The following ZNF621 variants were observed in gnomAD, a reference collection of about 807,000 sequenced individuals.
The protein encoded by ZNF621 is zinc finger protein 621.
ZNF621 carries 6 observed loss-of-function variants against 12.7 expected under a neutral mutation model. The observed-to-expected ratio is 0.47, with a 90% CI of 0.26 to 0.93. ZNF621 has a LOEUF of 0.93. Ranked by LOEUF, ZNF621 falls within the 40% of genes least tolerant of loss-of-function variation. The probability of loss-of-function intolerance (pLI) is 0.15; values close to 1 mark genes in which losing one functional copy is unlikely to be tolerated. For missense variants in ZNF621, 474 were observed against 524.0 expected (o/e 0.90, Z 0.93); for synonymous variants, 156 against 190.3 (o/e 0.82, Z 1.48).
In ZNF621 at chr3:40,535,219, C is replaced by T. The variant is rs549796286; in HGVS notation, c.*2129C>T. On this transcript the variant is annotated 3_prime_UTR_variant, in exon 5 of 5. Transcript: ENST00000339296. ...CCTCGTTTCGCCCATCTACTTTTCA[C>T]CTTGCCGTATCTGATTCTTCACCAC... is the stretch of plus-strand genomic sequence containing the variant. 6.6e-6 allele frequency: 1 copy of T among 152,366 alleles called. No individual in the cohort carries two copies. The highest frequency in any genetic ancestry group is 2.4e-5 in the African/African-American group (1 of 41,578). The allele number at this position is 152,366 out of a possible 1,614,324, so 9.4% of individuals were successfully genotyped here. A position where few individuals can be genotyped will look rare whatever the true frequency, so the allele number is the denominator to read the frequency against.
intron 3 of ZNF621, 170 bp downstream of exon 3, chr3:40,529,615 GTTTGT>G: frequency 6.8e-7 from 1 of 1,472,900 alleles, no homozygotes; most frequent in Non-Finnish European, 9.1e-7. Flanking sequence ...TTGTTTGTTT[GTTTGT>G]TTTGTTTGTT....
At position 40,535,975 on chromosome 3, in the gene ZNF621, C is replaced by G. The variant is rs571299698; in HGVS notation, c.*2885C>G. 2.0e-5 allele frequency: 3 copies of G among 151,888 alleles called. No homozygotes were observed. Among genetic ancestry groups the G allele is most frequent in the African/African-American group, 4.8e-5 (2 of 41,340 alleles). The allele number at this position is 151,888 out of a possible 1,614,324, so 9.4% of individuals were successfully genotyped here. ...GAGTAGCTAACCTAGTTTTGAAGAACAAGATGGGGGGTTTTATGCTACCAG... is the reference window on the plus strand; with the variant it reads ...GAGTAGCTAACCTAGTTTTGAAGAAGAAGATGGGGGGTTTTATGCTACCAG... On this transcript the variant is annotated 3_prime_UTR_variant, in exon 5 of 5. Transcript: ENST00000339296.
Position 40,534,677 on chromosome 3 carries a change from G to C in ZNF621, c.*1587G>C, listed in dbSNP as rs1460657717. 1 of 152,124 alleles carries C rather than the reference G, an allele frequency of 6.6e-6. No homozygotes were observed. Among genetic ancestry groups the C allele is most frequent in the Admixed American group, 6.5e-5 (1 of 15,274 alleles). 9.4% of individuals were successfully genotyped at this position (152,124 alleles called of 1,614,324 possible). ...AGATCTTTAGCATGGACCATACTTT[G>C]AGAGATATGCTTCAAACAGAAAATG... On this transcript the variant is annotated 3_prime_UTR_variant, in exon 5 of 5. Coordinates refer to ENST00000339296, the MANE Select transcript of ZNF621 (RefSeq NM_198484.5).
rs1226992024 is a variant in ZNF621 at position 40,533,061 on chromosome 3, A to T, written c.1291A>T (p.Ile431Phe). Reference sequence around the variant, plus strand: ...TCCCACTGTGAAACCTTCCCCAGTTATTCTCACCCCTTCTTCTCACTCCTC... The same window carrying T: ...TCCCACTGTGAAACCTTCCCCAGTTTTTCTCACCCCTTCTTCTCACTCCTC... ...LTPTVKPSPV[I>F]LTPSSHSS Residue 431 changes from isoleucine to phenylalanine, a missense_variant, in exon 5 of 5, where the codon ATT (isoleucine) becomes TTT (phenylalanine). Physicochemically the swap from Ile to Phe is conservative, Grantham distance 21 (BLOSUM62 0). Coordinates refer to ENST00000339296, the MANE Select transcript of ZNF621 (RefSeq NM_198484.5). 6.4e-6 allele frequency: 10 copies of T among 1,551,552 alleles called. No homozygotes were observed. The highest frequency in any genetic ancestry group is 8.7e-6 in the Non-Finnish European group (10 of 1,146,930).
In ZNF621 at chr3:40,531,018, A is replaced by G. The variant is rs189320895; in HGVS notation, c.259+702A>G. ...CCATTTCTTCAGAAGAAAATTTTCA[A>G]GCCTTCTCACACATTTATGCTTTTG... On this transcript the variant is annotated intron_variant, in intron 4 of 4. Coordinates refer to ENST00000339296, the MANE Select transcript of ZNF621 (RefSeq NM_198484.5). Among the ~76,000 whole-genome samples the G allele has an allele frequency of 3.3e-5, 5 of 152,358 alleles. No homozygotes were observed. The East Asian group carries it at 9.6e-4, about 29-fold the overall frequency.
At chr3:40,531,966 G>A in intron 4 of ZNF621, 64 bp from the exon 5 acceptor site, 1 of 1,444,526 alleles carries the variant, frequency 6.9e-7, no homozygotes, top group Non-Finnish European at 9.3e-7. Flanking sequence ...AGAAAATTAG[G>A]AACACTGGAT....
In ZNF621 at chr3:40,539,666, GTAA is replaced by G. The variant is rs974646283; in HGVS notation, c.*6582_*6584del. On this transcript the variant is annotated 3_prime_UTR_variant, in exon 5 of 5. Coordinates refer to ENST00000339296, the MANE Select transcript of ZNF621 (RefSeq NM_198484.5). ...TTTAACATTGCTATGAAGTTTATCAGTAATAATATCTTATTTCATGGTTGTCCA... is the reference window on the plus strand; with the variant it reads ...TTTAACATTGCTATGAAGTTTATCAGTAATATCTTATTTCATGGTTGTCCA... The G allele has an allele frequency of 2.0e-5, 3 of 152,134 alleles. No individual in the cohort carries two copies. The highest frequency in any genetic ancestry group is 4.8e-5 in the African/African-American group (2 of 41,420). 9.4% of individuals were successfully genotyped at this position (152,134 alleles called of 1,614,324 possible).
Position 40,532,727 on chromosome 3 carries a change from T to C in ZNF621, c.957T>C (p.Tyr319=), listed in dbSNP as rs761914937. The C allele has an allele frequency of 3.1e-6, 5 of 1,614,224 alleles. No individual in the cohort carries two copies. ...HQRVHTGEKP[Y]ECKVCGKAFK... is the part of the protein sequence containing the mutation. ...GAGTTCACACTGGGGAGAAGCCTTA[T>C]GAATGTAAGGTGTGTGGGAAAGCCT... is the stretch of plus-strand genomic sequence containing the variant. Residue 319 remains tyrosine, a synonymous_variant, in exon 5 of 5, where the codon TAT becomes TAC. Coordinates refer to ENST00000339296, the MANE Select transcript of ZNF621 (RefSeq NM_198484.5).
chr3:40,531,004 G>T (rs1347709804), intron 4 of ZNF621, among the ~76,000 whole-genome samples: 1 of 152,130 alleles, frequency 6.6e-6, no homozygotes, highest in African/African-American at 2.4e-5. Flanking sequence ...CATTTCTTCA[G>T]AAGAAAATTT....
Position 40,537,664 on chromosome 3 carries a change from A to G in ZNF621, c.*4574A>G, listed in dbSNP as rs187578815. On this transcript the variant is annotated 3_prime_UTR_variant, in exon 5 of 5. Coordinates refer to ENST00000339296, the MANE Select transcript of ZNF621 (RefSeq NM_198484.5). ...AGGGGTCTGGATCAAACCAACCACAAATTCCCTTAAGCCAAAACCTAATCC... is the reference window on the plus strand; with the variant it reads ...AGGGGTCTGGATCAAACCAACCACAGATTCCCTTAAGCCAAAACCTAATCC... 1 of 152,852 alleles carries G rather than the reference A, an allele frequency of 6.5e-6. No homozygotes were observed. The highest frequency in any genetic ancestry group is 6.5e-5 in the Admixed American group (1 of 15,312). 9.5% of individuals were successfully genotyped at this position (152,852 alleles called of 1,614,324 possible).
rs1344007586 is a variant in ZNF621 at position 40,533,076 on chromosome 3, TCTCA to T, written c.1310_1313del (p.His437ProfsTer20). 1 of 1,551,454 alleles carries T rather than the reference TCTCA, an allele frequency of 6.4e-7. No individual in the cohort carries two copies. The highest frequency in any genetic ancestry group is 8.7e-7 in the Non-Finnish European group (1 of 1,146,876). On this transcript the variant is annotated frameshift_variant, in exon 5 of 5. Transcript: ENST00000339296. LOFTEE classifies it high-confidence loss of function. Reference sequence around the variant, plus strand: ...TTCCCCAGTTATTCTCACCCCTTCTTCTCACTCCTCATGAGCTTTATCTTGGCAG... The same window carrying T: ...TTCCCCAGTTATTCTCACCCCTTCTTCTCCTCATGAGCTTTATCTTGGCAG...
In ZNF621 at chr3:40,533,602, C is replaced by A. The variant is rs1318101033; in HGVS notation, c.*512C>A. ...AAATACTTAACCTTTGCATTGGTCC[C>A]TTTCAGGCTTGAACAACAGTGGCTG... is the stretch of plus-strand genomic sequence containing the variant. On this transcript the variant is annotated 3_prime_UTR_variant, in exon 5 of 5. Transcript: ENST00000339296. 1 of 156,556 alleles carries A rather than the reference C, an allele frequency of 6.4e-6. No homozygotes were observed. The highest frequency in any genetic ancestry group is 1.4e-5 in the Non-Finnish European group (1 of 70,474). The allele number at this position is 156,556 out of a possible 1,614,324, so 9.7% of individuals were successfully genotyped here.
rs981860742 is a variant in ZNF621 at position 40,539,269 on chromosome 3, C to A, written c.*6179C>A. On this transcript the variant is annotated 3_prime_UTR_variant, in exon 5 of 5. Coordinates refer to ENST00000339296, the MANE Select transcript of ZNF621 (RefSeq NM_198484.5). Reference sequence around the variant, plus strand: ...AGGAAGAGTCAGTTGATGTTGCAGCCTTCCTTGTTGTCTCATTTAAAGAAA... The same window carrying A: ...AGGAAGAGTCAGTTGATGTTGCAGCATTCCTTGTTGTCTCATTTAAAGAAA... 1.1e-4 allele frequency: 16 copies of A among 152,344 alleles called. No homozygotes were observed. The highest frequency in any genetic ancestry group is 3.9e-4 in the African/African-American group (16 of 41,438). The allele number at this position is 152,344 out of a possible 1,614,324, so 9.4% of individuals were successfully genotyped here.
At chr3:40,529,602 T>G (rs778647886) in intron 3 of ZNF621, 157 bp downstream of exon 3, 2 of 1,520,498 alleles carry the variant, frequency 1.3e-6, no homozygotes, top group Admixed American at 3.9e-5. Context: ...TTCTCTTTGT[T>G]TTTTGTTTGT....
intron 1 of ZNF621, 24 bp from the exon 2 acceptor site, chr3:40,525,755 C>G: frequency 1.9e-6 from 3 of 1,594,672 alleles, no homozygotes; most frequent in Non-Finnish European, 2.6e-6. Context: ...GGGTCCTTAG[C>G]ACTCATGGCT....
intron 4 of ZNF621, 105 bp from the exon 5 acceptor site, chr3:40,531,925 A>G: frequency 9.3e-7 from 1 of 1,071,634 alleles, no homozygotes; most frequent in African/African-American, 1.6e-5. Context: ...TAACCATTTC[A>G]CAGGTATCTT....
rs1318519525 is a variant in ZNF621 at position 40,533,199 on chromosome 3, G to A, written c.*109G>A. The A allele has an allele frequency of 3.4e-6, 5 of 1,453,460 alleles. No homozygotes were observed. In the East Asian group the frequency reaches 1.2e-4, roughly 36 times the overall value. The allele number at this position is 1,453,460 out of a possible 1,614,324, so 90.0% of individuals were successfully genotyped here. A position where few individuals can be genotyped will look rare whatever the true frequency, so the allele number is the denominator to read the frequency against. On this transcript the variant is annotated 3_prime_UTR_variant, in exon 5 of 5. Coordinates refer to ENST00000339296, the MANE Select transcript of ZNF621 (RefSeq NM_198484.5). ...TCTGTCACCCAGGCTAGAGTGCGGT[G>A]GTGTGATCTTGGCTCACTGCAACCT...
rs1698805066 is a variant in ZNF621 at position 40,534,095 on chromosome 3, T to A, written c.*1005T>A. 1 of 152,558 alleles carries A rather than the reference T, an allele frequency of 6.6e-6. No homozygotes were observed. The highest frequency in any genetic ancestry group is 2.4e-5 in the African/African-American group (1 of 41,454). 9.5% of individuals were successfully genotyped at this position (152,558 alleles called of 1,614,324 possible). ...TCTTTGTTGAATCTGTTGTGCAGATTTTTCTTGATGAGCATTCTGTTTTTT... is the reference window on the plus strand; with the variant it reads ...TCTTTGTTGAATCTGTTGTGCAGATATTTCTTGATGAGCATTCTGTTTTTT... On this transcript the variant is annotated 3_prime_UTR_variant, in exon 5 of 5. Transcript: ENST00000339296.
At chr3:40,525,898 T>G (rs758763095) in intron 2 of ZNF621, 34 bp downstream of exon 2, 12 of 1,610,600 alleles carry the variant, frequency 7.5e-6, no homozygotes, top group Non-Finnish European at 4.2e-6. Context: ...TTTTGTTTGT[T>G]TGTTTATGTT....
Sources: allele counts gnomAD v4.1 joint callset (sites outside exome capture counted in the v4.1 genomes callset), GRCh38; gene constraint gnomAD v4.1.1; transcripts MANE v1.5; gene names NCBI Gene and HGNC (gene_info 2026-07-23, HGNC 2026-07-21).